SAP30BP: variants seen among roughly 807,000 people sequenced by gnomAD.
SAP30BP encodes SAP30 binding protein, also known as SAP30-binding protein.
In SAP30BP, 31 loss-of-function variants were observed where a neutral mutation model predicts 46.3. The ratio of observed to expected loss-of-function variants is 0.67; its 90% CI spans 0.50 to 0.90. The LOEUF (loss-of-function observed/expected upper bound fraction) is 0.90, where lower values mean the gene tolerates loss of function less well. Among genes scored for constraint, SAP30BP ranks in the 40% least tolerant of loss-of-function variants. The probability of loss-of-function intolerance (pLI) is 0.00; values close to 1 mark genes in which losing one functional copy is unlikely to be tolerated. For synonymous variants in SAP30BP, 169 were observed against 144.2 expected (o/e 1.17, Z -1.23); for missense variants, 312 against 391.0 (o/e 0.80, Z 1.70).
rs1193891545 is a variant in SAP30BP at position 75,703,193 on chromosome 17, C to T, written c.489-118C>T. ...GGGCCATCAGGAAGCTTGCTTAGAG[C>T]AGCTGAGCTGGATTTAAAAGTTGTG... is the stretch of plus-strand genomic sequence containing the variant. On this transcript the variant is annotated intron_variant, in intron 6 of 10. Coordinates refer to ENST00000584667, the MANE Select transcript of SAP30BP (RefSeq NM_013260.8). 87 of 907,132 alleles carry T rather than the reference C, an allele frequency of 9.6e-5. No homozygotes were observed. In the East Asian group the frequency reaches 2.2e-3, roughly 23 times the overall value. 56.2% of individuals were successfully genotyped at this position (907,132 alleles called of 1,614,324 possible).
intron 3 of SAP30BP, among the ~76,000 whole-genome samples, chr17:75,689,853 C>G (rs1331832448): frequency 6.6e-6 from 1 of 152,218 alleles, no homozygotes; most frequent in Non-Finnish European, 1.5e-5. Context: ...TGGTTTAACA[C>G]CAGTGCCTTG....
At chr17:75,668,261 A>T (rs2148360900) in intron 1 of SAP30BP, 1 of 425,702 alleles carries the variant, frequency 2.3e-6, no homozygotes, top group South Asian at 4.4e-5. Context: ...GTGTTTATCT[A>T]GTGTTTATAG....
chr17:75,678,882 A>C (rs1475716470), intron 3 of SAP30BP, among the ~76,000 whole-genome samples: 1 of 152,272 alleles, frequency 6.6e-6, no homozygotes, highest in East Asian at 1.9e-4. Flanking sequence ...AGAATTCCAC[A>C]GAAGTTTACC....
chr17:75,667,803 A>G (rs2059822082), intron 1 of SAP30BP, among the ~76,000 whole-genome samples: 1 of 152,236 alleles, frequency 6.6e-6, no homozygotes, highest in Admixed American at 6.5e-5. Context: ...AGGGAGAGCG[A>G]TAAGTAAAAC....
chr17:75,696,961 T>C (rs1243235834), intron 4 of SAP30BP, among the ~76,000 whole-genome samples: 2 of 151,964 alleles, frequency 1.3e-5, no homozygotes, highest in Admixed American at 1.3e-4. Flanking sequence ...GTATTTTTAG[T>C]AGGGATGGGG....
chr17:75,688,378 G>C (rs564912077), intron 3 of SAP30BP, among the ~76,000 whole-genome samples: 4 of 152,170 alleles, frequency 2.6e-5, no homozygotes, highest in Non-Finnish European at 5.9e-5. Context: ...TAGCTGCCAC[G>C]TACTTGTAAG....
At chr17:75,689,209 C>T (rs1175824867) in intron 3 of SAP30BP, among the ~76,000 whole-genome samples, 4 of 146,724 alleles carry the variant, frequency 2.7e-5, no homozygotes, top group Admixed American at 6.9e-5. Context: ...AGTGCAGTGG[C>T]GCAATCTCGG....
Position 75,668,159 on chromosome 17 carries a change from G to T in SAP30BP, c.107-357G>T, listed in dbSNP as rs187107728. The T allele has an allele frequency of 1.4e-3, 292 of 204,550 alleles. 3 individuals are homozygous for T. Among genetic ancestry groups the T allele is most frequent in the Non-Finnish European group, 7.8e-4 (81 of 103,334 alleles). The allele number at this position is 204,550 out of a possible 1,614,324, so 12.7% of individuals were successfully genotyped here. On this transcript the variant is annotated intron_variant, in intron 1 of 10. Transcript: ENST00000584667. ...GCTTCCTCATCTGGAAAGTGAAGGGGATTGGATTAGGTTAGGTACTTCCAT... is the reference window on the plus strand; with the variant it reads ...GCTTCCTCATCTGGAAAGTGAAGGGTATTGGATTAGGTTAGGTACTTCCAT...
At chr17:75,705,857 C>T in intron 9 of SAP30BP, 151 bp from the exon 10 acceptor site, 2 of 1,202,544 alleles carry the variant, frequency 1.7e-6, no homozygotes, top group Non-Finnish European at 2.3e-6. Context: ...TCTTAGACAT[C>T]TCGCCCTACC....
At chr17:75,671,039 C>T (rs370634582) in intron 2 of SAP30BP, among the ~76,000 whole-genome samples, 7 of 152,160 alleles carry the variant, frequency 4.6e-5, no homozygotes, top group African/African-American at 1.4e-4. Context: ...ATAGCATCAG[C>T]GTTAGCGTTC....
At chr17:75,669,079 C>CT (rs1387713180) in intron 2 of SAP30BP, among the ~76,000 whole-genome samples, 7,956 of 143,076 alleles carry the variant, frequency 0.056, 640 homozygotes, top group African/African-American at 0.18. Flanking sequence ...TTTTTCTTTT[C>CT]TTTTTTTTTT....
At chr17:75,686,522 AAG>A (rs1311983800) in intron 3 of SAP30BP, among the ~76,000 whole-genome samples, 1 of 148,470 alleles carries the variant, frequency 6.7e-6, no homozygotes, top group Non-Finnish European at 1.5e-5. Context: ...TCTCAGGAAA[AAG>A]AAAAAAAAAA....
chr17:75,693,713 G>T (rs2060273219), intron 4 of SAP30BP, among the ~76,000 whole-genome samples: 1 of 152,136 alleles, frequency 6.6e-6, no homozygotes, highest in South Asian at 2.1e-4. Flanking sequence ...GGCTTTGGTC[G>T]GTTGCCAGCG....
chr17:75,699,683 A>G, intron 4 of SAP30BP, 100 bp from the exon 5 acceptor site: 1 of 779,146 alleles, frequency 1.3e-6, no homozygotes. Flanking sequence ...CATAGTGTTT[A>G]TCCCTACCTG....
Position 75,668,551 on chromosome 17 carries a change from G to A in SAP30BP, c.142G>A (p.Glu48Lys). ...KGGLVSDAYG[E>K]DDFSRLGGDE... ...CGGATTGGTATCTGATGCCTATGGG[G>A]AGGATGACTTTTCTCGTCTAGGGGG... The change falls in exon 2 of 11, where the codon GAG (glutamate) becomes AAG (lysine). Residue 48 changes from glutamate (E) to lysine (K), a missense_variant. Transcript: ENST00000584667. 2 of 1,603,814 alleles carry A rather than the reference G, an allele frequency of 1.2e-6. No individual in the cohort carries two copies. The highest frequency in any genetic ancestry group is 1.1e-5 in the South Asian group (1 of 89,036).
At position 75,706,571 on chromosome 17, in the gene SAP30BP, C is replaced by T; in HGVS notation, c.*50C>T. ...AAAGGACCGTGCAGCCCAGTGACCA[C>T]TGCCCAGTGGGAGGCGCCACTTTGT... On this transcript the variant is annotated 3_prime_UTR_variant, in exon 11 of 11. Coordinates refer to ENST00000584667, the MANE Select transcript of SAP30BP (RefSeq NM_013260.8). The surrounding 1 kb of genome is among the most constrained non-coding windows in gnomAD (Gnocchi z 4.6). 1 of 1,548,172 alleles carries T rather than the reference C, an allele frequency of 6.5e-7. No individual in the cohort carries two copies. Among genetic ancestry groups the T allele is most frequent in the African/African-American group, 1.4e-5 (1 of 73,474 alleles).
chr17:75,674,690 G>GTTTGTT (rs2059958498), intron 3 of SAP30BP, among the ~76,000 whole-genome samples: 12 of 39,596 alleles, frequency 3.0e-4, no homozygotes, highest in African/African-American at 6.0e-4. Context: ...TTTTTTGTTT[G>GTTTGTT]TTTTTTGTTT....
intron 1 of SAP30BP, 146 bp from the exon 2 acceptor site, chr17:75,668,370 T>C (rs141509540): frequency 1.4e-5 from 8 of 555,328 alleles, no homozygotes; most frequent in African/African-American, 1.2e-4. Flanking sequence ...TCTGGGCCTA[T>C]TGTAACTTAA....
rs750522598 is a variant in SAP30BP at position 75,706,403 on chromosome 17, C to G, written c.809C>G (p.Thr270Ser). ...CCAGTGACAACGATAGCCCAGCCCACCATCCTCACCACCACAGCCACCCTG... is the reference window on the plus strand; with the variant it reads ...CCAGTGACAACGATAGCCCAGCCCAGCATCCTCACCACCACAGCCACCCTG... ...AIPVTTIAQP[T>S]ILTTTATLPA... is the part of the protein sequence containing the mutation. The change falls in exon 11 of 11, where the codon ACC (threonine) becomes AGC (serine). Residue 270 changes from threonine (T) to serine (S), a missense_variant. Physicochemically the swap from Thr to Ser is moderately conservative, Grantham distance 58. Around this residue, in one of 2 missense-constraint regions of SAP30BP, gnomAD observed 296 missense variants for 346.6 expected, o/e 0.85. Coordinates refer to ENST00000584667, the MANE Select transcript of SAP30BP (RefSeq NM_013260.8). This position sits in a 1 kb window ranked among gnomAD's most constrained non-coding sequence, Gnocchi z 4.6. 35 of 1,613,990 alleles carry G rather than the reference C, an allele frequency of 2.2e-5. No individual in the cohort carries two copies. Among genetic ancestry groups the G allele is most frequent in the Non-Finnish European group, 3.0e-5 (35 of 1,180,050 alleles).
Sources: gnomAD v4.1 joint callset for allele counts (sites outside exome capture counted in the v4.1 genomes callset) on GRCh38, gnomAD v4.1.1 for gene constraint, gnomAD v4.1.1 regional missense constraint, Gnocchi (gnomAD v3.1) non-coding constraint, MANE v1.5 for transcripts, NCBI Gene and HGNC (gene_info 2026-07-23, HGNC 2026-07-21) for gene names.